Variants in ABCB1 observed in about 807,000 individuals in gnomAD.
ABCB1 encodes ATP-dependent translocase ABCB1.
In ABCB1, 69 loss-of-function variants were observed where a neutral mutation model predicts 142.0. The observed-to-expected ratio is 0.49, with a 90% CI of 0.40 to 0.59. ABCB1 has a LOEUF of 0.59. ABCB1 is among the 20% of genes least tolerant of loss of function. The pLI, the probability that ABCB1 is intolerant of heterozygous loss-of-function variation, is 0.00. For missense variants in ABCB1, 1,326 were observed against 1,554.7 expected (o/e 0.85, Z 2.47); for synonymous variants, 532 against 539.2 (o/e 0.99, Z 0.18).
chr7:87,522,243 G>A (rs761875422), intron 21 of ABCB1: 116 of 1,043,688 alleles, frequency 1.1e-4, no homozygotes, highest in Non-Finnish European at 1.5e-4. Context: ...TAATGATTTT[G>A]GCAATTACAA....
intron 23 of ABCB1, chr7:87,518,828 A>G (rs1236989423): frequency 1.3e-5 from 2 of 158,360 alleles, no homozygotes; most frequent in African/African-American, 4.8e-5. Context: ...ATGTAGCAGA[A>G]AAATCCCAAT....
At chr7:87,610,232 CTTTTTTTT>C (rs914468581) in intron 1 of ABCB1, among the ~76,000 whole-genome samples, 39 of 117,040 alleles carry the variant, frequency 3.3e-4, no homozygotes, top group African/African-American at 8.7e-4. Context: ...CTTTTTCTTT[CTTTTTTTT>C]TTTTTTTTTT....
chr7:87,604,286 G>A (rs4728709), upstream of ABCB1, among the ~76,000 whole-genome samples: 24,121 of 151,910 alleles, frequency 0.16, 3,253 homozygotes, highest in African/African-American at 0.37. Context: ...TCTGAGTCCA[G>A]ATTGAAGGTT....
At chr7:87,568,243 A>AATAATAATAATAATAATAACAATT in intron 5 of ABCB1, among the ~76,000 whole-genome samples, 1 of 49,684 alleles carries the variant, frequency 2.0e-5, no homozygotes, top group Non-Finnish European at 3.9e-5. Context: ...AAAATACGAC[A>AATAATAATAATAATAATAACAATT]ATAATAATAA....
intron 4 of ABCB1, among the ~76,000 whole-genome samples, chr7:87,579,898 G>C (rs191068277): frequency 6.6e-6 from 1 of 152,074 alleles, no homozygotes; most frequent in African/African-American, 2.4e-5. Flanking sequence ...ACTTAATGCT[G>C]ATTACATACA....
chr7:87,569,079 T>A (rs192136675), intron 5 of ABCB1, among the ~76,000 whole-genome samples: 1 of 152,228 alleles, frequency 6.6e-6, no homozygotes, highest in Non-Finnish European at 1.5e-5. Flanking sequence ...ACACCCGTAA[T>A]CCCAGCACTT....
chr7:87,515,382 T>A lies in ABCB1; in HGVS notation c.3131A>T (p.Tyr1044Phe), dbSNP rs780583874. The change falls in exon 25 of 28, where the codon TAT becomes TTT. Residue 1044 changes from tyrosine to phenylalanine, a missense_variant. Tyr to Phe is a conservative substitution (Grantham distance 22). Coordinates refer to ENST00000622132, the MANE Select transcript of ABCB1 (RefSeq NM_001348946.2). ...NVTFGEVVFNYPTRPDIPVLQ... is the reference protein window; with the variant it reads ...NVTFGEVVFNFPTRPDIPVLQ... ...CACTGGGATGTCCGGTCGGGTGGGA[T>A]AGTTGAATACAACTTCACCAAATGT... 1.1e-5 allele frequency: 18 copies of A among 1,614,144 alleles called. No individual in the cohort carries two copies. Among genetic ancestry groups the A allele is most frequent in the Non-Finnish European group, 1.4e-5 (16 of 1,180,004 alleles).
At chr7:87,711,309 A>G (rs911823946) in intron 1 of ABCB1, among the ~76,000 whole-genome samples, 1 of 152,056 alleles carries the variant, frequency 6.6e-6, no homozygotes, top group African/African-American at 2.4e-5. Context: ...CTGAGCAACA[A>G]GAGAGAAACT....
At chr7:87,523,925 G>A (rs898435701) in intron 21 of ABCB1, among the ~76,000 whole-genome samples, 1 of 152,288 alleles carries the variant, frequency 6.6e-6, no homozygotes, top group East Asian at 1.9e-4. Flanking sequence ...GTCACCAAGA[G>A]AAATGACTCT....
intron 1 of ABCB1, among the ~76,000 whole-genome samples, chr7:87,695,456 TTTTC>T (rs1343940335): frequency 2.0e-5 from 3 of 152,096 alleles, no homozygotes; most frequent in Non-Finnish European, 4.4e-5. Flanking sequence ...AAGGAACCAA[TTTTC>T]TTTAAGTATC....
At chr7:87,700,425 A>G (rs748502274) in intron 1 of ABCB1, 2 of 1,601,380 alleles carry the variant, frequency 1.2e-6, no homozygotes, top group East Asian at 2.2e-5. Flanking sequence ...CTGAAGGTCA[A>G]GTAACCTGGT....
rs368001067 is a variant in ABCB1, at chr7:87,617,656, A to G, written c.-330-16578T>C. ...CTAAGTCTTTAGGGAAGCTAAAGAA[A>G]TCTTGCATTCGGAGTGCTGTGAAAT... On this transcript the variant is annotated intron_variant, in intron 1 of 28. Transcript: ENST00000265724. Among the ~76,000 whole-genome samples, 19 of 152,328 alleles carry G rather than the reference A, an allele frequency of 1.2e-4. No homozygotes were observed. The East Asian group carries it at 3.3e-3, about 26-fold the overall frequency.
intron 1 of ABCB1, chr7:87,693,776 A>G: frequency 2.9e-6 from 2 of 700,624 alleles, no homozygotes; most frequent in Non-Finnish European, 4.7e-6. Context: ...TTTATTTAGT[A>G]GGTAAAAGTA....
intron 20 of ABCB1, among the ~76,000 whole-genome samples, chr7:87,532,267 T>C (rs28381965): frequency 0.027 from 4,065 of 152,260 alleles, 193 homozygotes; most frequent in African/African-American, 0.092. Context: ...ATGCCTGCCC[T>C]GGCCCCAGAC....
intron 4 of ABCB1, among the ~76,000 whole-genome samples, chr7:87,584,068 C>T (rs1202185): frequency 0.7 from 106,583 of 152,086 alleles, 37,767 homozygotes; most frequent in East Asian, 0.98. Context: ...TCTGCAGGTC[C>T]CTTTGGATGC....
chr7:87,612,964 A>G (rs1029703351), intron 1 of ABCB1, among the ~76,000 whole-genome samples: 3 of 146,090 alleles, frequency 2.1e-5, no homozygotes, highest in Non-Finnish European at 4.5e-5. Flanking sequence ...TTGTTCCTTT[A>G]GAGATCTTTC....
At chr7:87,685,444 C>T (rs1157621985) in intron 1 of ABCB1, among the ~76,000 whole-genome samples, 2 of 152,170 alleles carry the variant, frequency 1.3e-5, no homozygotes, top group Non-Finnish European at 2.9e-5. Context: ...ACCCAAGTAT[C>T]TTTCATGTGA....
chr7:87,710,128 A>T (rs1248323035), intron 1 of ABCB1, among the ~76,000 whole-genome samples: 6 of 152,282 alleles, frequency 3.9e-5, no homozygotes, highest in African/African-American at 1.4e-4. Flanking sequence ...AAAGGATAGG[A>T]TTGAAAATTT....
intron 1 of ABCB1, among the ~76,000 whole-genome samples, chr7:87,649,499 G>A (rs1035342418): frequency 6.6e-6 from 1 of 152,120 alleles, no homozygotes. Flanking sequence ...CAAATAAAAT[G>A]TTTGTTTGTG....
Sources: allele counts gnomAD v4.1 joint callset (sites outside exome capture counted in the v4.1 genomes callset), GRCh38; gene constraint gnomAD v4.1.1; transcripts MANE v1.5; gene names NCBI Gene and HGNC (gene_info 2026-07-23, HGNC 2026-07-21).